Variants in PTPRK observed in about 807,000 individuals in gnomAD.
PTPRK encodes the protein protein tyrosine phosphatase receptor type K, also known as receptor-type tyrosine-protein phosphatase kappa.
PTPRK carries 75 observed loss-of-function variants against 178.0 expected under a neutral mutation model. The observed-to-expected ratio is 0.42, with a 90% CI of 0.35 to 0.51. The LOEUF is 0.51. Ranked by LOEUF, PTPRK falls within the 20% of genes least tolerant of loss-of-function variation. The probability of loss-of-function intolerance (pLI) is 0.02; values close to 1 mark genes in which losing one functional copy is unlikely to be tolerated. For synonymous variants in PTPRK, 637 were observed against 620.6 expected, an observed-to-expected ratio of 1.03 and a Z score of -0.39; for missense variants, 1,441 against 1,797.8, an observed-to-expected ratio of 0.80 and a Z score of 3.59.
rs114983536 is a variant in PTPRK, at chr6:128,508,296, C to T, written c.100+11963G>A. Among the ~76,000 whole-genome samples, 571 of 152,214 alleles carry T rather than the reference C, an allele frequency of 3.8e-3. 5 individuals are homozygous for T. The highest frequency in any genetic ancestry group is 0.013 in the African/African-American group (545 of 41,542). ...CCAGCATACCCAAAACCTGGCACAGCATGGGCACATAGTAAGGTGCTCAAA... is the reference window on the plus strand; with the variant it reads ...CCAGCATACCCAAAACCTGGCACAGTATGGGCACATAGTAAGGTGCTCAAA... On this transcript the variant is annotated intron_variant, in intron 1 of 29. Transcript: ENST00000368226.
chr6:128,378,836 A>C (rs572577216), intron 2 of PTPRK, among the ~76,000 whole-genome samples: 2 of 152,190 alleles, frequency 1.3e-5, no homozygotes, highest in South Asian at 4.1e-4. Flanking sequence ...CTATGCATAA[A>C]TATCTTCTAG....
intron 1 of PTPRK, among the ~76,000 whole-genome samples, chr6:128,420,428 G>C (rs1411557084): frequency 6.6e-6 from 1 of 152,102 alleles, no homozygotes; most frequent in Non-Finnish European, 1.5e-5. Context: ...TCAACTGTTG[G>C]TTTTTAATCA....
chr6:128,073,989 G>A (rs1026587743), intron 11 of PTPRK, among the ~76,000 whole-genome samples: 4 of 151,984 alleles, frequency 2.6e-5, no homozygotes, highest in African/African-American at 9.7e-5. Context: ...TCTGCAGGTG[G>A]ATGAGGATAG....
At chr6:128,294,585 T>A (rs1471275180) in intron 3 of PTPRK, among the ~76,000 whole-genome samples, 1 of 152,108 alleles carries the variant, frequency 6.6e-6, no homozygotes, top group Admixed American at 6.6e-5. Flanking sequence ...TTTACCACAT[T>A]ACAGTTTTGG....
In PTPRK at chr6:128,419,584, C is replaced by T. The variant is rs570375054; in HGVS notation, c.101-21896G>A. On this transcript the variant is annotated intron_variant, in intron 1 of 29. Transcript: ENST00000368226. The stretch of plus-strand genomic sequence containing the variant: ...AGATTGCGCCACTGCACCACTCCAG[C>T]CTGGGCGACAGAGCGAGACTCCGTC... Among the ~76,000 whole-genome samples the T allele has an allele frequency of 4.6e-5, 7 of 151,244 alleles. No homozygotes were observed. In the East Asian group the frequency reaches 1.4e-3, roughly 29 times the overall value.
At chr6:128,346,325 G>C (rs1832428657) in intron 2 of PTPRK, among the ~76,000 whole-genome samples, 1 of 151,978 alleles carries the variant, frequency 6.6e-6, no homozygotes, top group Admixed American at 6.6e-5. Context: ...GAAGGAAACA[G>C]ATAAAGATGA....
At chr6:128,341,787 G>A (rs374284477) in intron 2 of PTPRK, among the ~76,000 whole-genome samples, 18 of 152,278 alleles carry the variant, frequency 1.2e-4, no homozygotes, top group African/African-American at 2.9e-4. Context: ...GAACAGCAAC[G>A]TAGGCCTTAC....
intron 7 of PTPRK, among the ~76,000 whole-genome samples, chr6:128,090,695 A>C (rs1786763604): frequency 6.6e-6 from 1 of 152,222 alleles, no homozygotes; most frequent in South Asian, 2.1e-4. Flanking sequence ...GCAGAACTAA[A>C]GACTCCAAAG....
intron 7 of PTPRK, among the ~76,000 whole-genome samples, chr6:128,158,841 CTTGT>C (rs1238919027): frequency 2.0e-5 from 3 of 151,802 alleles, no homozygotes; most frequent in African/African-American, 7.3e-5. Context: ...GAATAGGAAG[CTTGT>C]TTAATTCCTC....
intron 1 of PTPRK, among the ~76,000 whole-genome samples, chr6:128,490,252 CT>C (rs1853577489): frequency 6.6e-6 from 1 of 152,114 alleles, no homozygotes; most frequent in African/African-American, 2.4e-5. Flanking sequence ...CTGAGTTTTG[CT>C]GTTATTTGAA....
intron 1 of PTPRK, among the ~76,000 whole-genome samples, chr6:128,424,938 C>T (rs1313233755): frequency 6.6e-6 from 1 of 151,682 alleles, no homozygotes; most frequent in African/African-American, 2.4e-5. Context: ...CTTTCCTTTC[C>T]TTTTTTTCTT....
At chr6:128,383,812 T>TA (rs1214771436) in intron 2 of PTPRK, among the ~76,000 whole-genome samples, 2 of 152,204 alleles carry the variant, frequency 1.3e-5, no homozygotes, top group Non-Finnish European at 2.9e-5. Context: ...AACATTGTTT[T>TA]AACTATCATT....
intron 7 of PTPRK, among the ~76,000 whole-genome samples, chr6:128,138,890 T>A (rs913868387): frequency 1.3e-5 from 2 of 151,938 alleles, no homozygotes; most frequent in African/African-American, 4.8e-5. Flanking sequence ...GCACTACTCA[T>A]CATCAAACAA....
intron 1 of PTPRK, among the ~76,000 whole-genome samples, chr6:128,458,299 A>G (rs1044782114): frequency 6.6e-6 from 1 of 152,180 alleles, no homozygotes; most frequent in Non-Finnish European, 1.5e-5. Context: ...CAATCATCTG[A>G]CAGGGATTGC....
At chr6:128,203,481 T>C (rs920907731) in intron 6 of PTPRK, among the ~76,000 whole-genome samples, 1 of 152,116 alleles carries the variant, frequency 6.6e-6, no homozygotes, top group African/African-American at 2.4e-5. Flanking sequence ...AGAGAGGAAG[T>C]TGAATTATCT....
At chr6:128,496,793 A>G (rs1854734467) in intron 1 of PTPRK, among the ~76,000 whole-genome samples, 1 of 152,228 alleles carries the variant, frequency 6.6e-6, no homozygotes, top group Non-Finnish European at 1.5e-5. Flanking sequence ...TAATAAACTA[A>G]TGATGTTGTA....
At chr6:128,441,651 T>C (rs1040047269) in intron 1 of PTPRK, among the ~76,000 whole-genome samples, 1 of 152,122 alleles carries the variant, frequency 6.6e-6, no homozygotes, top group African/African-American at 2.4e-5. Context: ...CTATCTTCCA[T>C]GAAACTAACA....
chr6:128,259,103 C>CA (rs111822661), intron 3 of PTPRK, among the ~76,000 whole-genome samples: 6,825 of 152,028 alleles, frequency 0.045, 511 homozygotes, highest in African/African-American at 0.16. Flanking sequence ...AGGAGGGAGA[C>CA]AGGGAAAGCA....
intron 15 of PTPRK, chr6:128,000,099 T>G (rs1777628500): frequency 1.0e-6 from 1 of 973,140 alleles, no homozygotes; most frequent in Non-Finnish European, 1.2e-6. Context: ...AACAAATGTT[T>G]TAAGGGGTGT....
Sources: allele counts gnomAD v4.1 joint callset (sites outside exome capture counted in the v4.1 genomes callset), GRCh38; gene constraint gnomAD v4.1.1; transcripts MANE v1.5; gene names NCBI Gene and HGNC (gene_info 2026-07-23, HGNC 2026-07-21).